SLC39A11: variants seen among roughly 807,000 people sequenced by gnomAD.
SLC39A11 encodes zinc transporter ZIP11.
Under a neutral mutation model 36.1 loss-of-function variants are expected in SLC39A11, and 33 were observed. That is an observed-to-expected ratio of 0.91 (90% CI 0.69 to 1.22). SLC39A11 has a LOEUF of 1.22. Among genes scored for constraint, SLC39A11 ranks in the 50% most tolerant of loss-of-function variants. SLC39A11 has a pLI of 0.00. For missense variants in SLC39A11, 432 were observed against 430.3 expected, an observed-to-expected ratio of 1.00 and a Z score of -0.03; for synonymous variants, 166 against 170.3, an observed-to-expected ratio of 0.97 and a Z score of 0.20.
At position 73,068,198 on chromosome 17, in the gene SLC39A11, G is replaced by A. The variant is rs558032413; in HGVS notation, c.147+16610C>T. On this transcript the variant is annotated intron_variant, in intron 3 of 9. Coordinates refer to ENST00000255559, the MANE Select transcript of SLC39A11 (RefSeq NM_139177.4). ...TGCAGTGGAAGACGGGGGCTCCAGA[G>A]TGGTTGTTTCTGGGGAGACCTCCGT... 15 of 1,158,918 alleles carry A rather than the reference G, an allele frequency of 1.3e-5. No homozygotes were observed. The African/African-American group carries it at 1.7e-4, about 13-fold the overall frequency. 71.8% of individuals were successfully genotyped at this position (1,158,918 alleles called of 1,614,324 possible). A position where few individuals can be genotyped will look rare whatever the true frequency, so the allele number is the denominator to read the frequency against.
At chr17:73,061,829 TA>T (rs957252267) in intron 3 of SLC39A11, among the ~76,000 whole-genome samples, 1 of 151,980 alleles carries the variant, frequency 6.6e-6, no homozygotes, top group Non-Finnish European at 1.5e-5. Context: ...ACCCCATCTC[TA>T]CAAAAAAACA....
chr17:73,088,656 C>T lies in SLC39A11; in HGVS notation c.108+1G>A, dbSNP rs1282536313. ...TCCAGAACCAAAGCAAGGCAACTCACCTGTCCACTAGAGAATACGAACACG... is the reference window on the plus strand; with the variant it reads ...TCCAGAACCAAAGCAAGGCAACTCATCTGTCCACTAGAGAATACGAACACG... On this transcript the variant is annotated splice_donor_variant, in intron 2 of 9. Transcript: ENST00000255559. LOFTEE classifies it high-confidence loss of function. 6.2e-7 allele frequency: 1 copy of T among 1,610,482 alleles called. No homozygotes were observed. The highest frequency in any genetic ancestry group is 1.7e-5 in the Admixed American group (1 of 59,626).
intron 7 of SLC39A11, among the ~76,000 whole-genome samples, chr17:72,714,505 C>T (rs778260621): frequency 1.8e-4 from 28 of 152,276 alleles, no homozygotes; most frequent in African/African-American, 6.3e-4. Flanking sequence ...AGCGCAGCAG[C>T]CAAGTTCATA....
intron 6 of SLC39A11, among the ~76,000 whole-genome samples, chr17:72,755,354 C>G (rs570062890): frequency 6.6e-6 from 1 of 152,346 alleles, no homozygotes; most frequent in Admixed American, 6.5e-5. Flanking sequence ...AGGGACTGGG[C>G]AGAGAAGGTG....
intron 3 of SLC39A11, among the ~76,000 whole-genome samples, chr17:73,038,085 A>G (rs2058981945): frequency 6.6e-6 from 1 of 152,020 alleles, no homozygotes; most frequent in African/African-American, 2.4e-5. Flanking sequence ...TTAGCCAGAC[A>G]TGGTGGCACA....
rs767285047 is a variant in SLC39A11, at chr17:72,689,565, G to T, written c.672-40297C>A. Among the ~76,000 whole-genome samples, 95 of 152,202 alleles carry T rather than the reference G, an allele frequency of 6.2e-4. 2 individuals carry two copies. The highest frequency in any genetic ancestry group is 1.9e-4 in the Non-Finnish European group (13 of 68,042). On this transcript the variant is annotated intron_variant, in intron 7 of 9. Transcript: ENST00000255559. ...CCCAATTGTCCATGAGCCTATGGAG[G>T]GTCAACACAACGTGGTGGGCATGTA...
At chr17:73,083,015 C>CAGA (rs1555708977) in intron 3 of SLC39A11, among the ~76,000 whole-genome samples, 1 of 89,784 alleles carries the variant, frequency 1.1e-5, no homozygotes, top group African/African-American at 4.5e-5. Flanking sequence ...GACTCCATTT[C>CAGA]AAAAAAAAAA....
intron 5 of SLC39A11, among the ~76,000 whole-genome samples, chr17:72,891,318 G>A (rs1407368675): frequency 6.6e-6 from 1 of 152,168 alleles, no homozygotes; most frequent in Admixed American, 6.5e-5. Context: ...CTCCTCAGGA[G>A]GCTGAGGCAC....
chr17:72,726,920 T>C (rs1019992452), intron 7 of SLC39A11, among the ~76,000 whole-genome samples: 1 of 152,158 alleles, frequency 6.6e-6, no homozygotes, highest in African/African-American at 2.4e-5. Context: ...TGTCTGGGTG[T>C]TGATTAGCAG....
intron 6 of SLC39A11, among the ~76,000 whole-genome samples, chr17:72,738,738 C>G (rs931404760): frequency 6.6e-6 from 1 of 152,172 alleles, no homozygotes; most frequent in Admixed American, 6.6e-5. Flanking sequence ...GGGTCAAATT[C>G]GAACTTTCTT....
chr17:73,004,232 A>AAAAGAAAAGAAAGAAAGAAAGAAAG (rs370681706), intron 4 of SLC39A11, among the ~76,000 whole-genome samples: 1 of 88,644 alleles, frequency 1.1e-5, no homozygotes, highest in African/African-American at 4.2e-5. Context: ...AGAAAGAAAG[A>AAAAGAAAAGAAAGAAAGAAAGAAAG]AAAGAAAGAA....
intron 7 of SLC39A11, among the ~76,000 whole-genome samples, chr17:72,661,679 G>A (rs2070428562): frequency 1.3e-5 from 2 of 152,264 alleles, no homozygotes; most frequent in Admixed American, 6.5e-5. Context: ...GGTACTCCCC[G>A]CAGGGCTGCC....
At position 73,014,172 on chromosome 17, in the gene SLC39A11, C is replaced by G. The variant is rs142501854; in HGVS notation, c.306+17384G>C. ...AACTTCATGTCTCCTGGGGCCTCAG[C>G]CTCCTGCAGAGCCAGAGTCTCACAC... is the stretch of plus-strand genomic sequence containing the variant. On this transcript the variant is annotated intron_variant, in intron 4 of 9. Coordinates refer to ENST00000255559, the MANE Select transcript of SLC39A11 (RefSeq NM_139177.4). 2.7e-3 allele frequency among the ~76,000 whole-genome samples: 412 copies of G among 152,276 alleles called. 3 individuals are homozygous for G. The highest frequency in any genetic ancestry group is 9.1e-3 in the African/African-American group (378 of 41,554).
chr17:72,877,424 C>A (rs2080962037), intron 5 of SLC39A11, among the ~76,000 whole-genome samples: 1 of 152,186 alleles, frequency 6.6e-6, no homozygotes, highest in African/African-American at 2.4e-5. Flanking sequence ...CAATTAGAAC[C>A]TCAAACACAA....
chr17:73,089,147 C>A (rs756633967), intron 1 of SLC39A11, among the ~76,000 whole-genome samples: 1 of 152,110 alleles, frequency 6.6e-6, no homozygotes, highest in East Asian at 1.9e-4. Flanking sequence ...CCTCTTCTAC[C>A]GTCTCTTGCC....
At chr17:72,788,480 AC>A (rs151123013) in intron 6 of SLC39A11, among the ~76,000 whole-genome samples, 4,811 of 152,350 alleles carry the variant, frequency 0.032, 241 homozygotes, top group African/African-American at 0.11. Flanking sequence ...CCAATGTCAC[AC>A]GACCAGGCAG....
intron 7 of SLC39A11, among the ~76,000 whole-genome samples, chr17:72,730,273 G>T (rs996389530): frequency 1.3e-5 from 2 of 152,268 alleles, no homozygotes; most frequent in East Asian, 3.9e-4. Context: ...GCCTACAAAC[G>T]CAGCATCAGG....
At chr17:72,802,759 T>C (rs1481237061) in intron 6 of SLC39A11, among the ~76,000 whole-genome samples, 1 of 152,136 alleles carries the variant, frequency 6.6e-6, no homozygotes, top group African/African-American at 2.4e-5. Flanking sequence ...AGCCACTCAC[T>C]GTAAACCAGT....
chr17:72,800,284 G>A (rs1255039430), intron 6 of SLC39A11, among the ~76,000 whole-genome samples: 1 of 149,320 alleles, frequency 6.7e-6, no homozygotes, highest in Non-Finnish European at 1.5e-5. Flanking sequence ...GCTCCACAAG[G>A]ACCAGGAAAC....
Sources: allele counts gnomAD v4.1 joint callset (sites outside exome capture counted in the v4.1 genomes callset), GRCh38; gene constraint gnomAD v4.1.1; transcripts MANE v1.5; gene names NCBI Gene and HGNC (gene_info 2026-07-23, HGNC 2026-07-21).